Variants in SEMA5A observed in about 807,000 individuals in gnomAD.
SEMA5A encodes semaphorin-5A.
In SEMA5A, 55 loss-of-function variants were observed where a neutral mutation model predicts 135.5. The ratio of observed to expected loss-of-function variants is 0.41; its 90% CI spans 0.33 to 0.51. SEMA5A has a LOEUF of 0.51. Among genes scored for constraint, SEMA5A ranks in the 20% least tolerant of loss-of-function variants. The probability of loss-of-function intolerance (pLI) is 0.37; values close to 1 mark genes in which losing one functional copy is unlikely to be tolerated. For synonymous variants in SEMA5A, 580 were observed against 546.5 expected, an observed-to-expected ratio of 1.06 and a Z score of -0.85; for missense variants, 1,290 against 1,419.9, an observed-to-expected ratio of 0.91 and a Z score of 1.47.
chr5:9,070,077 C>T (rs1000881105), intron 16 of SEMA5A, among the ~76,000 whole-genome samples: 2 of 152,142 alleles, frequency 1.3e-5, no homozygotes, highest in Admixed American at 1.3e-4. Flanking sequence ...GGGCTCAAAA[C>T]ACATGCAGCT....
At chr5:9,471,872 A>G (rs1449217904) in intron 1 of SEMA5A, among the ~76,000 whole-genome samples, 1 of 152,230 alleles carries the variant, frequency 6.6e-6, no homozygotes, top group Non-Finnish European at 1.5e-5. Context: ...GTATGCTTTT[A>G]TTCCCAATTT....
chr5:9,496,343 C>G (rs975785782), intron 1 of SEMA5A, among the ~76,000 whole-genome samples: 3 of 152,136 alleles, frequency 2.0e-5, no homozygotes, highest in Non-Finnish European at 2.9e-5. Context: ...CCATGCCCAG[C>G]CTCAATATTT....
chr5:9,197,061 G>T (rs1745426470), intron 10 of SEMA5A, 107 bp downstream of exon 10: 2 of 1,463,616 alleles, frequency 1.4e-6, no homozygotes, highest in South Asian at 1.3e-5. Context: ...GGAGACAGCT[G>T]CATGGTGCAT....
chr5:9,366,519 G>A (rs1429296568), intron 3 of SEMA5A, among the ~76,000 whole-genome samples: 2 of 151,926 alleles, frequency 1.3e-5, no homozygotes, highest in Non-Finnish European at 2.9e-5. Flanking sequence ...TTCCCAAGTC[G>A]CTGGGACTAC....
At chr5:9,491,696 G>A (rs144509900) in intron 1 of SEMA5A, among the ~76,000 whole-genome samples, 46 of 152,086 alleles carry the variant, frequency 3.0e-4, no homozygotes, top group African/African-American at 8.7e-4. Context: ...AAAGTAAAAA[G>A]AAAAACAACA....
intron 2 of SEMA5A, among the ~76,000 whole-genome samples, chr5:9,400,721 T>C (rs1756623217): frequency 1.8e-5 from 1 of 54,418 alleles, no homozygotes; most frequent in Non-Finnish European, 3.7e-5. Context: ...TTAGCCGGGA[T>C]GGTCTCGATC....
At chr5:9,179,997 T>C (rs1020240076) in intron 11 of SEMA5A, among the ~76,000 whole-genome samples, 2 of 152,206 alleles carry the variant, frequency 1.3e-5, no homozygotes, top group African/African-American at 4.8e-5. Context: ...GGAATTCTTG[T>C]CTCGTGCTAG....
At chr5:9,415,517 T>C (rs759837335) in intron 2 of SEMA5A, among the ~76,000 whole-genome samples, 1 of 152,336 alleles carries the variant, frequency 6.6e-6, no homozygotes. Flanking sequence ...TAATGAAAGA[T>C]GAAAAATTAT....
rs184595730 is a variant in SEMA5A, at chr5:9,171,373, T to C, written c.1274-16678A>G. Among the ~76,000 whole-genome samples, 59 of 152,252 alleles carry C rather than the reference T, an allele frequency of 3.9e-4. 1 individual carries two copies. The East Asian group carries it at 7.9e-3, about 20-fold the overall frequency. On this transcript the variant is annotated intron_variant, in intron 11 of 22. Coordinates refer to ENST00000382496, the MANE Select transcript of SEMA5A (RefSeq NM_003966.3). ...AATATGAAAGCAAACAGCAAACATC[T>C]GGAGGGCAGGAAAGGCCCAGTTGGC...
At chr5:9,157,988 C>T (rs1438036392) in intron 11 of SEMA5A, among the ~76,000 whole-genome samples, 1 of 152,182 alleles carries the variant, frequency 6.6e-6, no homozygotes, top group Non-Finnish European at 1.5e-5. Context: ...GTGGTTTTTA[C>T]ACTTGATCTT....
intron 1 of SEMA5A, among the ~76,000 whole-genome samples, chr5:9,535,523 A>G (rs1279353239): frequency 6.6e-6 from 1 of 152,048 alleles, no homozygotes; most frequent in Non-Finnish European, 1.5e-5. Context: ...TGACATTCTT[A>G]GGTGAAGAAA....
intron 10 of SEMA5A, among the ~76,000 whole-genome samples, chr5:9,191,545 C>T (rs183705): frequency 6.6e-6 from 1 of 152,186 alleles, no homozygotes; most frequent in Non-Finnish European, 1.5e-5. Flanking sequence ...TGAAACTACC[C>T]TTTATAACAT....
intron 2 of SEMA5A, among the ~76,000 whole-genome samples, chr5:9,404,367 A>G (rs1446352938): frequency 6.6e-6 from 1 of 152,228 alleles, no homozygotes; most frequent in Non-Finnish European, 1.5e-5. Flanking sequence ...AGTTAGATTA[A>G]GAAGACATCA....
At chr5:9,150,665 G>T (rs572443583) in intron 12 of SEMA5A, among the ~76,000 whole-genome samples, 2 of 152,072 alleles carry the variant, frequency 1.3e-5, no homozygotes, top group Non-Finnish European at 2.9e-5. Context: ...AACCCCCGCC[G>T]CCTGAGGTCC....
At chr5:9,283,168 A>G (rs1237059746) in intron 5 of SEMA5A, among the ~76,000 whole-genome samples, 1 of 152,228 alleles carries the variant, frequency 6.6e-6, no homozygotes, top group Non-Finnish European at 1.5e-5. Context: ...ATAAATTGCC[A>G]TAAACCTAGA....
chr5:9,465,017 ACAG>A (rs1759203024), intron 1 of SEMA5A, among the ~76,000 whole-genome samples: 1 of 152,114 alleles, frequency 6.6e-6, no homozygotes, highest in African/African-American at 2.4e-5. Flanking sequence ...AGCCCCAACT[ACAG>A]TCACCTGGAA....
At chr5:9,415,942 AAAAAT>A (rs531485485) in intron 2 of SEMA5A, among the ~76,000 whole-genome samples, 1 of 152,350 alleles carries the variant, frequency 6.6e-6, no homozygotes, top group South Asian at 2.1e-4. Context: ...TGAGCAGCCA[AAAAAT>A]AAAATAAAAT....
intron 1 of SEMA5A, among the ~76,000 whole-genome samples, chr5:9,520,269 C>A (rs1736750485): frequency 6.6e-6 from 1 of 152,234 alleles, no homozygotes; most frequent in African/African-American, 2.4e-5. Flanking sequence ...GTGAAGGAAG[C>A]AAAGGCTCTG....
At chr5:9,069,088 C>G (rs1248713416) in intron 16 of SEMA5A, among the ~76,000 whole-genome samples, 2 of 152,204 alleles carry the variant, frequency 1.3e-5, no homozygotes, top group African/African-American at 4.8e-5. Flanking sequence ...GGTCTGGTTG[C>G]AGAAGCATCC....
Sources: gnomAD v4.1 joint callset for allele counts (sites outside exome capture counted in the v4.1 genomes callset) on GRCh38, gnomAD v4.1.1 for gene constraint, MANE v1.5 for transcripts, NCBI Gene and HGNC (gene_info 2026-07-23, HGNC 2026-07-21) for gene names.